Variants in MALRD1 observed in about 807,000 individuals in gnomAD.
MALRD1 encodes the protein MAM and LDL receptor class A domain containing 1.
MALRD1 carries 247 observed loss-of-function variants against 242.1 expected under a neutral mutation model. The ratio of observed to expected loss-of-function variants is 1.02; its 90% CI spans 0.92 to 1.13. The LOEUF (loss-of-function observed/expected upper bound fraction) is 1.13. MALRD1 is among the 50% of genes most tolerant of loss of function. MALRD1 has a pLI of 0.00. For missense variants in MALRD1, 2,989 were observed against 2,533.1 expected (o/e 1.18, Z -3.86); for synonymous variants, 995 against 866.6 (o/e 1.15, Z -2.60).
At chr10:19,469,462 C>T (rs1415215089) in intron 29 of MALRD1, among the ~76,000 whole-genome samples, 1 of 152,092 alleles carries the variant, frequency 6.6e-6, no homozygotes, top group African/African-American at 2.4e-5. Context: ...AAATTGTATG[C>T]TTGCTCTTTT....
At chr10:19,380,385 G>C (rs1321042670) in intron 26 of MALRD1, among the ~76,000 whole-genome samples, 1 of 151,470 alleles carries the variant, frequency 6.6e-6, no homozygotes, top group Non-Finnish European at 1.5e-5. Context: ...TATTCTGATG[G>C]AATTCCAACA....
chr10:19,581,177 G>C (rs1837101942), intron 33 of MALRD1, among the ~76,000 whole-genome samples: 2 of 151,080 alleles, frequency 1.3e-5, no homozygotes, highest in East Asian at 2.0e-4. Context: ...TAAATTATAA[G>C]TTTCCTCCCT....
chr10:19,070,769 A>T (rs981858146), intron 2 of MALRD1, among the ~76,000 whole-genome samples: 2 of 139,244 alleles, frequency 1.4e-5, no homozygotes, highest in Non-Finnish European at 3.1e-5. Context: ...CATTATATAT[A>T]TTTTTTCAAA....
At chr10:19,054,404 A>T (rs1834602449) in intron 1 of MALRD1, among the ~76,000 whole-genome samples, 1 of 151,724 alleles carries the variant, frequency 6.6e-6, no homozygotes, top group African/African-American at 2.4e-5. Context: ...TCACTTATCA[A>T]TTTTTTTTGT....
intron 14 of MALRD1, among the ~76,000 whole-genome samples, chr10:19,177,909 G>T (rs1835331918): frequency 6.6e-6 from 1 of 152,016 alleles, no homozygotes; most frequent in Admixed American, 6.6e-5. Flanking sequence ...CTAATTTCAG[G>T]CAAGATAAGC....
chr10:19,066,753 T>C lies in MALRD1; in HGVS notation c.234T>C (p.Gly78=). The change falls in exon 2 of 40, where the codon GGT becomes GGC. Residue 78 remains glycine (G), a synonymous_variant. Coordinates refer to ENST00000454679, the MANE Select transcript of MALRD1 (RefSeq NM_001142308.3). ...ATGAAAGATGTGATTTTGAGGATGG[T>C]CTCTGTCATATGACTCAAGATCAGA... ...LNYERCDFED[G]LCHMTQDQSL... is the part of the protein sequence containing the mutation. 8.1e-7 allele frequency: 1 copy of C among 1,233,718 alleles called. No individual in the cohort carries two copies. Among genetic ancestry groups the C allele is most frequent in the Middle Eastern group, 2.1e-4 (1 of 4,838 alleles). The allele number at this position is 1,233,718 out of a possible 1,614,324, so 76.4% of individuals were successfully genotyped here.
At chr10:19,564,535 A>G (rs1242800932) in intron 32 of MALRD1, among the ~76,000 whole-genome samples, 1 of 152,006 alleles carries the variant, frequency 6.6e-6, no homozygotes, top group Non-Finnish European at 1.5e-5. Flanking sequence ...ATTACTTTAC[A>G]TTATAAAATG....
intron 28 of MALRD1, among the ~76,000 whole-genome samples, chr10:19,436,351 T>G (rs1834351353): frequency 1.3e-5 from 2 of 152,126 alleles, no homozygotes; most frequent in Non-Finnish European, 2.9e-5. Flanking sequence ...TAAATACAAT[T>G]TTATATTATT....
intron 39 of MALRD1, among the ~76,000 whole-genome samples, chr10:19,733,188 G>A (rs529230745): frequency 3.9e-5 from 6 of 152,214 alleles, no homozygotes; most frequent in East Asian, 3.9e-4. Context: ...GGCAACATTC[G>A]TTGGCAATTC....
intron 29 of MALRD1, among the ~76,000 whole-genome samples, chr10:19,455,783 G>A (rs1448563912): frequency 6.6e-6 from 1 of 152,156 alleles, no homozygotes; most frequent in Non-Finnish European, 1.5e-5. Flanking sequence ...TTTCTAGTCT[G>A]CAGAAAGCTT....
chr10:19,371,468 T>C (rs1003045431), intron 26 of MALRD1, among the ~76,000 whole-genome samples: 4 of 95,192 alleles, frequency 4.2e-5, no homozygotes, highest in African/African-American at 1.8e-4. Flanking sequence ...CAGAAAATTA[T>C]GTTTTTTTGT....
chr10:19,163,052 T>A (rs1385560174), intron 12 of MALRD1, among the ~76,000 whole-genome samples: 1 of 139,230 alleles, frequency 7.2e-6, no homozygotes, highest in Non-Finnish European at 1.5e-5. Context: ...TTGGGAGAAT[T>A]ACCTGAGCTC....
intron 29 of MALRD1, chr10:19,488,514 A>C (rs1572012): frequency 0.023 from 3,570 of 153,450 alleles, 165 homozygotes; most frequent in African/African-American, 0.081. Context: ...AGAGAGAGAG[A>C]AGTCATTTCA....
At chr10:19,425,776 G>A (rs914575016) in intron 28 of MALRD1, among the ~76,000 whole-genome samples, 1 of 152,090 alleles carries the variant, frequency 6.6e-6, no homozygotes, top group South Asian at 2.1e-4. Flanking sequence ...AACGTCTGTG[G>A]TCCTGGGAGT....
Position 19,256,343 on chromosome 10 carries a change from T to G in MALRD1, c.2992-1341T>G, listed in dbSNP as rs556315495. On this transcript the variant is annotated intron_variant, in intron 18 of 39. Transcript: ENST00000454679. Reference sequence around the variant, plus strand: ...AAACAGAATACGTTTTTCTGTAGTATGTTCTTTCAAATTCTGTCTGCTAGT... The same window carrying G: ...AAACAGAATACGTTTTTCTGTAGTAGGTTCTTTCAAATTCTGTCTGCTAGT... Among the ~76,000 whole-genome samples the G allele has an allele frequency of 1.1e-3, 173 of 152,244 alleles. 7 individuals carry two copies. The South Asian group carries it at 0.035, about 30-fold the overall frequency.
chr10:19,204,622 C>CT (rs1564465087), intron 16 of MALRD1, among the ~76,000 whole-genome samples: 1 of 152,152 alleles, frequency 6.6e-6, no homozygotes, highest in East Asian at 1.9e-4. Flanking sequence ...GAAAGGGGCT[C>CT]TTTCCCCCCA....
At chr10:19,057,451 A>G (rs1834701936) in intron 1 of MALRD1, among the ~76,000 whole-genome samples, 2 of 152,134 alleles carry the variant, frequency 1.3e-5, no homozygotes, top group South Asian at 4.1e-4. Flanking sequence ...CACCATCCTC[A>G]TGATCTCATA....
intron 33 of MALRD1, among the ~76,000 whole-genome samples, chr10:19,590,709 G>A (rs1214757918): frequency 1.3e-5 from 2 of 152,176 alleles, no homozygotes; most frequent in African/African-American, 4.8e-5. Context: ...CATTGTGTGT[G>A]TGTGTCTGTG....
At chr10:19,531,373 T>G (rs1834409694) in intron 32 of MALRD1, 22 bp downstream of exon 32, 1 of 1,506,146 alleles carries the variant, frequency 6.6e-7, no homozygotes, top group Non-Finnish European at 9.0e-7. Context: ...AGCCAGAGAT[T>G]TATGATCACT....
Sources: allele counts gnomAD v4.1 joint callset (sites outside exome capture counted in the v4.1 genomes callset), GRCh38; gene constraint gnomAD v4.1.1; transcripts MANE v1.5; gene names NCBI Gene and HGNC (gene_info 2026-07-23, HGNC 2026-07-21).